The following CCSER1 variants were observed in gnomAD, a reference collection of about 807,000 sequenced individuals.
The protein encoded by CCSER1 is coiled-coil serine rich protein 1, also known as serine-rich coiled-coil domain-containing protein 1.
In CCSER1, 41 loss-of-function variants were observed where a neutral mutation model predicts 82.0. That is an observed-to-expected ratio of 0.50 (90% CI 0.39 to 0.65). CCSER1 has a LOEUF of 0.65. Among genes scored for constraint, CCSER1 ranks in the 30% least tolerant of loss-of-function variants. CCSER1 has a pLI of 0.00. For synonymous variants in CCSER1, 414 were observed against 383.9 expected, an observed-to-expected ratio of 1.08 and a Z score of -0.92; for missense variants, 1,119 against 1,064.2, an observed-to-expected ratio of 1.05 and a Z score of -0.72.
chr4:91,394,070 G>A (rs928957248), intron 10 of CCSER1, among the ~76,000 whole-genome samples: 5 of 152,128 alleles, frequency 3.3e-5, no homozygotes, highest in African/African-American at 4.8e-5. Flanking sequence ...TCCATTATAC[G>A]TTTGTGCAGT....
At chr4:90,667,973 A>G (rs1732118005) in intron 6 of CCSER1, among the ~76,000 whole-genome samples, 1 of 152,216 alleles carries the variant, frequency 6.6e-6, no homozygotes, top group Non-Finnish European at 1.5e-5. Flanking sequence ...GAAACACAGT[A>G]TTAACCTCAT....
chr4:90,759,795 C>G (rs1750145576), intron 7 of CCSER1, among the ~76,000 whole-genome samples: 1 of 152,066 alleles, frequency 6.6e-6, no homozygotes, highest in Admixed American at 6.6e-5. Flanking sequence ...TTTCTTTCGT[C>G]TTCACCACAT....
At chr4:91,091,999 G>T (rs1378039250) in intron 10 of CCSER1, among the ~76,000 whole-genome samples, 3 of 152,134 alleles carry the variant, frequency 2.0e-5, no homozygotes, top group Non-Finnish European at 2.9e-5. Context: ...CGCGGTATAG[G>T]AGGAGGCCTA....
chr4:90,786,945 A>T (rs945306333), intron 7 of CCSER1, among the ~76,000 whole-genome samples: 1 of 152,204 alleles, frequency 6.6e-6, no homozygotes, highest in African/African-American at 2.4e-5. Context: ...TGTTGGATTA[A>T]CTTTCTGGAG....
At chr4:90,799,630 G>A (rs11942821) in intron 7 of CCSER1, among the ~76,000 whole-genome samples, 50,940 of 151,886 alleles carry the variant, frequency 0.34, 8,730 homozygotes, top group East Asian at 0.42. Context: ...CTCAGGTCGC[G>A]CAGGCCCCAT....
intron 10 of CCSER1, among the ~76,000 whole-genome samples, chr4:91,521,352 G>A (rs1039608429): frequency 6.6e-6 from 1 of 152,186 alleles, no homozygotes; most frequent in African/African-American, 2.4e-5. Flanking sequence ...ATGTGCATGT[G>A]TCTTTATAGT....
At chr4:90,768,675 C>T (rs1751625373) in intron 7 of CCSER1, among the ~76,000 whole-genome samples, 2 of 152,110 alleles carry the variant, frequency 1.3e-5, no homozygotes, top group East Asian at 3.9e-4. Context: ...GTATTGGAAA[C>T]TGGAGGAAAG....
chr4:91,085,422 T>C (rs1723279057), intron 9 of CCSER1, among the ~76,000 whole-genome samples: 1 of 152,164 alleles, frequency 6.6e-6, no homozygotes, highest in Non-Finnish European at 1.5e-5. Flanking sequence ...ATTAGGAACT[T>C]AAAGTGGATC....
At chr4:91,166,053 G>A (rs1560484292) in intron 10 of CCSER1, among the ~76,000 whole-genome samples, 1 of 152,098 alleles carries the variant, frequency 6.6e-6, no homozygotes, top group Non-Finnish European at 1.5e-5. Context: ...TTCCTATTTG[G>A]CCATCTTGAA....
intron 3 of CCSER1, among the ~76,000 whole-genome samples, chr4:90,324,767 A>C (rs1004491920): frequency 6.6e-5 from 10 of 152,258 alleles, no homozygotes; most frequent in East Asian, 1.9e-4. Flanking sequence ...CTGAATGGTA[A>C]TGCCTAGGTT....
chr4:90,874,948 C>T (rs563355382), intron 8 of CCSER1, among the ~76,000 whole-genome samples: 14 of 151,962 alleles, frequency 9.2e-5, no homozygotes, highest in Non-Finnish European at 1.6e-4. Flanking sequence ...CAGAAGGCTG[C>T]GGCAGGAGAA....
intron 9 of CCSER1, among the ~76,000 whole-genome samples, chr4:91,002,752 TCAGGG>T: frequency 6.6e-6 from 1 of 152,216 alleles, no homozygotes; most frequent in African/African-American, 2.4e-5. Context: ...TTCAGGTAAA[TCAGGG>T]ATTTCTTCTT....
chr4:90,259,876 G>A (rs184935194), intron 1 of CCSER1, among the ~76,000 whole-genome samples: 14 of 152,194 alleles, frequency 9.2e-5, no homozygotes, highest in African/African-American at 2.9e-4. Flanking sequence ...CTAGTATTTT[G>A]TTGATGATTT....
intron 9 of CCSER1, among the ~76,000 whole-genome samples, chr4:91,031,207 T>A (rs529581502): frequency 1.3e-5 from 2 of 152,284 alleles, no homozygotes; most frequent in South Asian, 4.1e-4. Flanking sequence ...GATTTTGATA[T>A]AAAACCTGTA....
chr4:91,531,867 G>T (rs1359679609), intron 10 of CCSER1, among the ~76,000 whole-genome samples: 1 of 152,010 alleles, frequency 6.6e-6, no homozygotes, highest in Non-Finnish European at 1.5e-5. Context: ...TATTACTATT[G>T]CATTTGGATA....
chr4:90,470,996 G>A (rs1248556304), intron 5 of CCSER1, among the ~76,000 whole-genome samples: 1 of 151,928 alleles, frequency 6.6e-6, no homozygotes, highest in East Asian at 1.9e-4. Flanking sequence ...GATAAAAGAA[G>A]GCAGAGATAG....
intron 6 of CCSER1, among the ~76,000 whole-genome samples, chr4:90,655,065 C>A (rs1729465935): frequency 6.6e-6 from 1 of 151,714 alleles, no homozygotes; most frequent in South Asian, 2.1e-4. Context: ...CTGTTCTGTA[C>A]CTATAGATGG....
At chr4:91,438,532 A>G (rs1421550455) in intron 10 of CCSER1, among the ~76,000 whole-genome samples, 2 of 152,156 alleles carry the variant, frequency 1.3e-5, no homozygotes, top group Non-Finnish European at 2.9e-5. Flanking sequence ...AAAGATGGGG[A>G]AAAAACAGAG....
intron 6 of CCSER1, among the ~76,000 whole-genome samples, chr4:90,670,050 T>A (rs1383794738): frequency 2.0e-5 from 3 of 152,158 alleles, no homozygotes; most frequent in Non-Finnish European, 2.9e-5. Context: ...AATTATGATC[T>A]CTAGCTTGCA....
Sources: gnomAD v4.1 joint callset for allele counts (sites outside exome capture counted in the v4.1 genomes callset) on GRCh38, gnomAD v4.1.1 for gene constraint, MANE v1.5 for transcripts, NCBI Gene and HGNC (gene_info 2026-07-23, HGNC 2026-07-21) for gene names.